CNDP1: variants seen among roughly 807,000 people sequenced by gnomAD.
CNDP1 encodes carnosine dipeptidase 1.
Under a neutral mutation model 58.1 loss-of-function variants are expected in CNDP1, and 44 were observed. The ratio of observed to expected loss-of-function variants is 0.76; its 90% CI spans 0.60 to 0.97. CNDP1 has a LOEUF of 0.97. Among genes scored for constraint, CNDP1 ranks in the 50% least tolerant of loss-of-function variants. The pLI is 0.00. For missense variants in CNDP1, 616 were observed against 655.1 expected (o/e 0.94, Z 0.65); for synonymous variants, 254 against 252.6 (o/e 1.01, Z -0.05).
At position 74,575,837 on chromosome 18, in the gene CNDP1, G is replaced by A. The variant is rs1254164855; in HGVS notation, c.842-1032G>A. 1.3e-3 allele frequency among the ~76,000 whole-genome samples: 191 copies of A among 146,432 alleles called. 3 individuals carry two copies. The highest frequency in any genetic ancestry group is 1.4e-3 in the East Asian group (7 of 4,988). ...TGTATGTAGGTGTGTATACATGTGTGTGTGTGTGTGTGTGTGTGTGTGTGT... is the reference window on the plus strand; with the variant it reads ...TGTATGTAGGTGTGTATACATGTGTATGTGTGTGTGTGTGTGTGTGTGTGT... On this transcript the variant is annotated intron_variant, in intron 7 of 11. Transcript: ENST00000358821.
intron 1 of CNDP1, 48 bp from the exon 2 acceptor site, chr18:74,556,290 C>T (rs1259867869): frequency 1.3e-6 from 2 of 1,596,388 alleles, no homozygotes. Context: ...CGAAGTCCAG[C>T]AACTGGCATT....
chr18:74,581,519 C>A (rs1417396628), intron 10 of CNDP1, among the ~76,000 whole-genome samples: 1 of 152,120 alleles, frequency 6.6e-6, no homozygotes, highest in Non-Finnish European at 1.5e-5. Context: ...TTGCAAAACA[C>A]ATGAGAAACC....
rs142520270 is a variant in CNDP1 at position 74,560,685 on chromosome 18, A to G, written c.304-171A>G. On this transcript the variant is annotated intron_variant, in intron 3 of 11. Coordinates refer to ENST00000358821, the MANE Select transcript of CNDP1 (RefSeq NM_032649.6). ...GGCGACAGGAGTGAGACCTGTCTCC[A>G]AAAGAAAAGAAAAAAGAAAAAAAAA... Among the ~76,000 whole-genome samples the G allele has an allele frequency of 3.9e-3, 595 of 152,226 alleles. 13 individuals carry two copies. The highest frequency in any genetic ancestry group is 0.029 in the Admixed American group (450 of 15,300).
At chr18:74,576,779 C>G in intron 7 of CNDP1, 90 bp from the exon 8 acceptor site, 1 of 1,267,270 alleles carries the variant, frequency 7.9e-7, no homozygotes, top group East Asian at 2.4e-5. Flanking sequence ...CTGCTGCAAC[C>G]CTGAAGAGTC....
rs1414459158 is a variant in CNDP1, at chr18:74,536,905, T to C, written c.24+2214T>C. ...AATGATCAGTGATACTGAGCTTTTT[T>C]TCATATGCTTGTTGGCCACATGTAT... On this transcript the variant is annotated intron_variant, in intron 1 of 11. Transcript: ENST00000358821. Among the ~76,000 whole-genome samples, 4 of 152,274 alleles carry C rather than the reference T, an allele frequency of 2.6e-5. No individual in the cohort carries two copies. The East Asian group carries it at 7.7e-4, about 29-fold the overall frequency.
chr18:74,541,744 C>A (rs1980629636), intron 1 of CNDP1, among the ~76,000 whole-genome samples: 1 of 152,198 alleles, frequency 6.6e-6, no homozygotes, highest in Admixed American at 6.5e-5. Context: ...CCCCAGAGCA[C>A]CTCTCCTCAG....
intron 1 of CNDP1, among the ~76,000 whole-genome samples, chr18:74,555,021 G>A (rs968512051): frequency 1.3e-5 from 2 of 152,072 alleles, no homozygotes; most frequent in Non-Finnish European, 2.9e-5. Flanking sequence ...TCAAGGTCTC[G>A]GGGATGGCAC....
At chr18:74,539,222 A>G (rs1315432177) in intron 1 of CNDP1, among the ~76,000 whole-genome samples, 1 of 146,486 alleles carries the variant, frequency 6.8e-6, no homozygotes, top group Non-Finnish European at 1.5e-5. Flanking sequence ...TTGACTAAGG[A>G]GATCTACACC....
chr18:74,573,436 CTATCTATG>C (rs1184560985), intron 7 of CNDP1, among the ~76,000 whole-genome samples: 1 of 146,878 alleles, frequency 6.8e-6, no homozygotes, highest in African/African-American at 2.5e-5. Flanking sequence ...ATCCAACTAT[CTATCTATG>C]TATCTATGTA....
rs148980253 is a variant in CNDP1 at position 74,578,300 on chromosome 18, C to T, written c.1140C>T (p.His380=). The T allele has an allele frequency of 1.9e-6, 3 of 1,611,100 alleles. No individual in the cohort carries two copies. In the East Asian group the frequency reaches 6.7e-5, roughly 36 times the overall value. Residue 380 remains histidine (H), a synonymous_variant, in exon 9 of 12, where the codon CAC becomes CAT. Coordinates refer to ENST00000358821, the MANE Select transcript of CNDP1 (RefSeq NM_032649.6). ...IGKFSIRLVP[H]MNVSAVEKQV... ...AATTTTCAATCCGTCTAGTCCCTCACATGAATGTGTCTGCGGTGGAAAAAC... is the reference window on the plus strand; with the variant it reads ...AATTTTCAATCCGTCTAGTCCCTCATATGAATGTGTCTGCGGTGGAAAAAC...
intron 6 of CNDP1, among the ~76,000 whole-genome samples, chr18:74,570,781 G>T (rs1981458525): frequency 6.6e-6 from 1 of 152,190 alleles, no homozygotes; most frequent in Admixed American, 6.5e-5. Flanking sequence ...CTGCAGGTAA[G>T]AAAAGAAGAA....
At position 74,545,880 on chromosome 18, in the gene CNDP1, T is replaced by C. The variant is rs1425532291; in HGVS notation, c.25-10458T>C. On this transcript the variant is annotated intron_variant, in intron 1 of 11. Transcript: ENST00000358821. This position sits in a 1 kb window ranked among gnomAD's most constrained non-coding sequence, Gnocchi z 4.1. ...TTCGCCTTGGGTTTTGGCTCCAGCG[T>C]CAGGCACAGCCTCATGGATCCCTTA... 6.6e-6 allele frequency among the ~76,000 whole-genome samples: 1 copy of C among 152,168 alleles called. No homozygotes were observed. The highest frequency in any genetic ancestry group is 1.5e-5 in the Non-Finnish European group (1 of 68,038).
At chr18:74,567,637 G>T (rs1432192717) in intron 6 of CNDP1, among the ~76,000 whole-genome samples, 1 of 152,202 alleles carries the variant, frequency 6.6e-6, no homozygotes, top group African/African-American at 2.4e-5. Context: ...ACTTGGAGTG[G>T]ATGTGGCTAT....
intron 9 of CNDP1, among the ~76,000 whole-genome samples, chr18:74,579,222 TCCCTTCCCTC>T (rs1981722836): frequency 1.1e-5 from 1 of 91,438 alleles, no homozygotes; most frequent in African/African-American, 4.0e-5. Context: ...TCCCTTCCCT[TCCCTTCCCTC>T]ACCTCCCCTC....
intron 7 of CNDP1, among the ~76,000 whole-genome samples, chr18:74,575,169 G>A (rs1981598690): frequency 6.6e-6 from 1 of 152,018 alleles, no homozygotes; most frequent in Non-Finnish European, 1.5e-5. Context: ...AGGAAGGAAG[G>A]AAAAGGTAAA....
At position 74,586,553 on chromosome 18, in the gene CNDP1, T is replaced by C. The variant is rs1599106543; in HGVS notation, c.*1991T>C. The C allele has an allele frequency of 6.6e-6, 1 of 152,234 alleles. No homozygotes were observed. The highest frequency in any genetic ancestry group is 2.1e-4 in the South Asian group (1 of 4,834). 9.4% of individuals were successfully genotyped at this position (152,234 alleles called of 1,614,324 possible). A position where few individuals can be genotyped will look rare whatever the true frequency, so the allele number is the denominator to read the frequency against. ...TTACCCAACAATATGTATTCGCTGATCTTCATTCCTGCTGAATCTGAGACC... is the reference window on the plus strand; with the variant it reads ...TTACCCAACAATATGTATTCGCTGACCTTCATTCCTGCTGAATCTGAGACC... On this transcript the variant is annotated 3_prime_UTR_variant, in exon 12 of 12. Transcript: ENST00000358821.
intron 5 of CNDP1, 60 bp downstream of exon 5, chr18:74,562,195 G>T (rs1321682466): frequency 2.0e-6 from 3 of 1,500,842 alleles, no homozygotes; most frequent in Non-Finnish European, 2.8e-6. Context: ...AACTTTCTTT[G>T]AGTTGTTTGC....
Position 74,571,201 on chromosome 18 carries a change from C to A in CNDP1, c.772C>A (p.Gln258Lys), listed in dbSNP as rs1268524661. The change falls in exon 7 of 12, where the codon CAG (glutamine) becomes AAG (lysine). Residue 258 changes from glutamine to lysine, a missense_variant. Gln to Lys is a moderately conservative substitution (Grantham distance 53). Coordinates refer to ENST00000358821, the MANE Select transcript of CNDP1 (RefSeq NM_032649.6). ...TACTCTGCAGGTGAAATGCAGAGAC[C>A]AGGATTTTCACTCAGGAACCTTTGG... ...YFMVEVKCRD[Q>K]DFHSGTFGGI... The A allele has an allele frequency of 1.9e-6, 3 of 1,612,212 alleles. No individual in the cohort carries two copies. The highest frequency in any genetic ancestry group is 2.2e-5 in the South Asian group (2 of 91,022).
chr18:74,575,866 CAT>C (rs1981622930), intron 7 of CNDP1, among the ~76,000 whole-genome samples: 1 of 50,118 alleles, frequency 2.0e-5, no homozygotes, highest in African/African-American at 6.0e-5. Context: ...TGTGTGTATA[CAT>C]TTTTTTTTTT....
Sources: gnomAD v4.1 joint callset for allele counts (sites outside exome capture counted in the v4.1 genomes callset) on GRCh38, gnomAD v4.1.1 for gene constraint, Gnocchi (gnomAD v3.1) non-coding constraint, MANE v1.5 for transcripts, NCBI Gene and HGNC (gene_info 2026-07-23, HGNC 2026-07-21) for gene names.